The following TBPL1 variants were observed in gnomAD, a reference collection of about 807,000 sequenced individuals.
The protein encoded by TBPL1 is TATA box-binding protein-like 1.
Under a neutral mutation model 22.1 loss-of-function variants are expected in TBPL1, and 4 were observed. The ratio of observed to expected loss-of-function variants is 0.18; its 90% CI spans 0.09 to 0.41. The LOEUF is 0.41. TBPL1 is among the 10% of genes least tolerant of loss of function. The pLI is 1.00. For synonymous variants in TBPL1, 64 were observed against 71.0 expected, an observed-to-expected ratio of 0.90 and a Z score of 0.50; for missense variants, 115 against 222.3, an observed-to-expected ratio of 0.52 and a Z score of 3.07.
At position 133,977,035 on chromosome 6, in the gene TBPL1, T is replaced by C. The variant is rs1417038729; in HGVS notation, c.-44-3047T>C. The stretch of plus-strand genomic sequence containing the variant: ...TTTCGTTGGACTGTCATTCTAATTA[T>C]CCTATTGAAAAGGGATATAATATGT... On this transcript the variant is annotated intron_variant, in intron 1 of 6. Coordinates refer to ENST00000237264, the MANE Select transcript of TBPL1 (RefSeq NM_004865.4). Among the ~76,000 whole-genome samples the C allele has an allele frequency of 3.3e-5, 5 of 152,152 alleles. No individual in the cohort carries two copies. The East Asian group carries it at 9.6e-4, about 29-fold the overall frequency.
intron 1 of TBPL1, among the ~76,000 whole-genome samples, chr6:133,961,616 C>A (rs973766809): frequency 1.3e-5 from 2 of 151,932 alleles, no homozygotes; most frequent in Admixed American, 1.3e-4. Flanking sequence ...TACAGGTGCA[C>A]ATCACCATGC....
At chr6:133,954,952 G>T (rs1474531931) in intron 1 of TBPL1, among the ~76,000 whole-genome samples, 1 of 152,182 alleles carries the variant, frequency 6.6e-6, no homozygotes, top group South Asian at 2.1e-4. Context: ...TTGAGGTCCA[G>T]TGTCTGTTAA....
At chr6:133,986,640 AG>A (rs1318643719) in intron 6 of TBPL1, among the ~76,000 whole-genome samples, 2 of 152,176 alleles carry the variant, frequency 1.3e-5, no homozygotes, top group African/African-American at 2.4e-5. Context: ...GCTGTTATTT[AG>A]TCCCATTTGT....
intron 1 of TBPL1, among the ~76,000 whole-genome samples, chr6:133,955,107 A>G (rs1775904703): frequency 6.6e-6 from 1 of 151,876 alleles, no homozygotes; most frequent in African/African-American, 2.4e-5. Flanking sequence ...AGTTCTGTGA[A>G]GGATATACTG....
At chr6:133,953,725 A>G (rs1775878844) in intron 1 of TBPL1, among the ~76,000 whole-genome samples, 1 of 152,014 alleles carries the variant, frequency 6.6e-6, no homozygotes, top group East Asian at 1.9e-4. Context: ...GTAGGATAAG[A>G]AAAGAAGGGT....
chr6:133,973,790 T>C (rs1020509938), intron 1 of TBPL1, among the ~76,000 whole-genome samples: 2 of 152,156 alleles, frequency 1.3e-5, no homozygotes, highest in Non-Finnish European at 2.9e-5. Context: ...TTTGCTTTTT[T>C]TATGAGAAGA....
Position 133,982,812 on chromosome 6 carries a change from C to T in TBPL1, c.219-5C>T, listed in dbSNP as rs1329847460. On this transcript the variant is annotated splice_polypyrimidine_tract_variant and splice_region_variant and intron_variant, in intron 3 of 6. Transcript: ENST00000237264. Reference sequence around the variant, plus strand: ...GATAATCTTTTTCTTTCCTTAAAACCGTAGTGAAGAAGAAGCTAAATTTGG... The same window carrying T: ...GATAATCTTTTTCTTTCCTTAAAACTGTAGTGAAGAAGAAGCTAAATTTGG... 6 of 1,609,940 alleles carry T rather than the reference C, an allele frequency of 3.7e-6. No individual in the cohort carries two copies. Among genetic ancestry groups the T allele is most frequent in the Non-Finnish European group, 5.1e-6 (6 of 1,178,924 alleles).
chr6:133,976,613 C>A (rs1299478171), intron 1 of TBPL1, among the ~76,000 whole-genome samples: 1 of 152,120 alleles, frequency 6.6e-6, no homozygotes, highest in Non-Finnish European at 1.5e-5. Context: ...TTTAGTTAGA[C>A]CTGTTTAACC....
At chr6:133,969,250 A>AC (rs1776176020) in intron 1 of TBPL1, among the ~76,000 whole-genome samples, 1 of 137,980 alleles carries the variant, frequency 7.2e-6, no homozygotes, top group Non-Finnish European at 1.5e-5. Flanking sequence ...CATAAAATAC[A>AC]CTTTTTTTTT....
intron 1 of TBPL1, among the ~76,000 whole-genome samples, chr6:133,976,510 C>G (rs1220085486): frequency 6.6e-6 from 1 of 152,136 alleles, no homozygotes; most frequent in Non-Finnish European, 1.5e-5. Flanking sequence ...TTCCATCTTT[C>G]CTTTAGCTGT....
At chr6:133,962,886 A>G (rs893608847) in intron 1 of TBPL1, among the ~76,000 whole-genome samples, 7 of 152,224 alleles carry the variant, frequency 4.6e-5, no homozygotes, top group African/African-American at 1.7e-4. Flanking sequence ...TCAGTTAAGA[A>G]CTTCTGATTT....
chr6:133,982,790 A>G (rs777474486), intron 3 of TBPL1, 27 bp from the exon 4 acceptor site: 1 of 1,605,362 alleles, frequency 6.2e-7, no homozygotes, highest in East Asian at 2.2e-5. Flanking sequence ...TGTAACTGAT[A>G]ATCTTTTTCT....
chr6:133,981,954 C>T (rs1776420688), intron 2 of TBPL1, among the ~76,000 whole-genome samples: 1 of 152,184 alleles, frequency 6.6e-6, no homozygotes, highest in Non-Finnish European at 1.5e-5. Flanking sequence ...TCCAACATTT[C>T]TCCTTTATTC....
At chr6:133,978,977 G>A (rs1208927359) in intron 1 of TBPL1, among the ~76,000 whole-genome samples, 1 of 152,138 alleles carries the variant, frequency 6.6e-6, no homozygotes, top group Non-Finnish European at 1.5e-5. Flanking sequence ...TTTTTGAAGT[G>A]TGAAAATGCA....
chr6:133,970,681 T>A (rs993781141), intron 1 of TBPL1, among the ~76,000 whole-genome samples: 1 of 151,702 alleles, frequency 6.6e-6, no homozygotes, highest in Non-Finnish European at 1.5e-5. Flanking sequence ...CCATGATAGC[T>A]CATTGCAGCC....
chr6:133,981,496 A>C (rs1293544676), intron 2 of TBPL1, among the ~76,000 whole-genome samples: 3 of 152,214 alleles, frequency 2.0e-5, no homozygotes, highest in Non-Finnish European at 4.4e-5. Context: ...GGTTAATTGA[A>C]AATTCTGAGT....
At chr6:133,960,743 T>G (rs1370065907) in intron 1 of TBPL1, among the ~76,000 whole-genome samples, 1 of 152,210 alleles carries the variant, frequency 6.6e-6, no homozygotes, top group Non-Finnish European at 1.5e-5. Context: ...GGTTGATATC[T>G]TGGAAGTGAC....
intron 1 of TBPL1, among the ~76,000 whole-genome samples, chr6:133,957,070 T>C (rs1434424863): frequency 6.6e-6 from 1 of 152,176 alleles, no homozygotes; most frequent in Non-Finnish European, 1.5e-5. Context: ...ACATCAGAAA[T>C]TCTACTTGTC....
chr6:133,963,030 G>A (rs963103398), intron 1 of TBPL1, among the ~76,000 whole-genome samples: 5 of 152,174 alleles, frequency 3.3e-5, no homozygotes, highest in African/African-American at 1.2e-4. Context: ...AGAGTAGGAG[G>A]GAGTTTAAAG....
Sources: allele counts gnomAD v4.1 joint callset (sites outside exome capture counted in the v4.1 genomes callset), GRCh38; gene constraint gnomAD v4.1.1; transcripts MANE v1.5; gene names NCBI Gene and HGNC (gene_info 2026-07-23, HGNC 2026-07-21).